The following LRRC28 variants were observed in gnomAD, a reference collection of about 807,000 sequenced individuals.
LRRC28 encodes the protein leucine rich repeat containing 28, also known as leucine-rich repeat-containing protein 28.
Under a neutral mutation model 45.7 loss-of-function variants are expected in LRRC28, and 39 were observed. That is an observed-to-expected ratio of 0.85 (90% CI 0.66 to 1.12). The LOEUF (loss-of-function observed/expected upper bound fraction) is 1.12. Ranked by LOEUF, LRRC28 falls within the 50% of genes most tolerant of loss-of-function variation. The pLI is 0.00. For missense variants in LRRC28, 435 were observed against 438.5 expected (o/e 0.99, Z 0.07); for synonymous variants, 206 against 178.8 (o/e 1.15, Z -1.22).
Position 99,275,203 on chromosome 15 carries a change from C to A in LRRC28, c.169-1373C>A, listed in dbSNP as rs559006941. 1.2e-4 allele frequency among the ~76,000 whole-genome samples: 19 copies of A among 152,328 alleles called. No individual in the cohort carries two copies. In the South Asian group the frequency reaches 3.9e-3, roughly 32 times the overall value. On this transcript the variant is annotated intron_variant, in intron 2 of 9. Coordinates refer to ENST00000301981, the MANE Select transcript of LRRC28 (RefSeq NM_144598.5). ...ATTTACAGGAGGCTTTCTCCACTAC[C>A]CAGTACCTCCAGCAGAGAGAAGCCT...
chr15:99,254,814 T>A (rs2080967470), intron 1 of LRRC28, among the ~76,000 whole-genome samples: 1 of 152,238 alleles, frequency 6.6e-6, no homozygotes, highest in Non-Finnish European at 1.5e-5. Flanking sequence ...CTTGCCCTTG[T>A]CAATTTTGGA....
intron 9 of LRRC28, among the ~76,000 whole-genome samples, chr15:99,372,673 TTAA>T (rs1334458314): frequency 6.6e-6 from 1 of 152,206 alleles, no homozygotes; most frequent in African/African-American, 2.4e-5. Flanking sequence ...TCATAAGTAG[TTAA>T]TGATGATCCA....
At position 99,363,200 on chromosome 15, in the gene LRRC28, G is replaced by A; in HGVS notation, c.966G>A (p.Met322Ile). The stretch of plus-strand genomic sequence containing the variant: ...ACTGTCATCGGTGTAGTGAGCCTAT[G>A]TTTACCATCGTCTACCCCAAGCTCT... ...LGHCHRCSEPMFTIVYPKLFP... is the reference protein window; with the variant it reads ...LGHCHRCSEPIFTIVYPKLFP... The change falls in exon 9 of 10, where the codon ATG (methionine) becomes ATA (isoleucine). Residue 322 changes from methionine (M) to isoleucine (I), a missense_variant. Coordinates refer to ENST00000301981, the MANE Select transcript of LRRC28 (RefSeq NM_144598.5). 1 of 1,614,074 alleles carries A rather than the reference G, an allele frequency of 6.2e-7. No homozygotes were observed. The highest frequency in any genetic ancestry group is 8.5e-7 in the Non-Finnish European group (1 of 1,179,932).
At chr15:99,342,533 A>G (rs1242336799) in intron 6 of LRRC28, among the ~76,000 whole-genome samples, 1 of 152,240 alleles carries the variant, frequency 6.6e-6, no homozygotes, top group Non-Finnish European at 1.5e-5. Flanking sequence ...AACACATATC[A>G]CTTACAAATA....
In LRRC28 at chr15:99,292,936, T is replaced by A. The variant is rs139196853; in HGVS notation, c.385+4985T>A. ...AGTTGTTAGGGTGAGAGTGATGATCTCTTTGGAGTTTCTATTTTCAAATTG... is the reference window on the plus strand; with the variant it reads ...AGTTGTTAGGGTGAGAGTGATGATCACTTTGGAGTTTCTATTTTCAAATTG... On this transcript the variant is annotated intron_variant, in intron 5 of 9. Coordinates refer to ENST00000301981, the MANE Select transcript of LRRC28 (RefSeq NM_144598.5). Among the ~76,000 whole-genome samples the A allele has an allele frequency of 7.0e-4, 106 of 152,300 alleles. 1 individual carries two copies. Among genetic ancestry groups the A allele is most frequent in the African/African-American group, 2.5e-3 (102 of 41,564 alleles).
chr15:99,293,754 T>A (rs1395840587), intron 5 of LRRC28, among the ~76,000 whole-genome samples: 1 of 151,998 alleles, frequency 6.6e-6, no homozygotes, highest in Non-Finnish European at 1.5e-5. Flanking sequence ...CCTAAAGCAC[T>A]GAGATTACTG....
chr15:99,268,818 T>A (rs2081398158), intron 2 of LRRC28, among the ~76,000 whole-genome samples: 1 of 152,244 alleles, frequency 6.6e-6, no homozygotes, highest in South Asian at 2.1e-4. Flanking sequence ...ATTTATAAAA[T>A]CATACTTATG....
chr15:99,255,845 G>T, intron 1 of LRRC28, 53 bp from the exon 2 acceptor site: 1 of 1,173,928 alleles, frequency 8.5e-7, no homozygotes, highest in Non-Finnish European at 1.2e-6. Flanking sequence ...GGTTTATATG[G>T]CAATTCTTGT....
chr15:99,357,091 T>C (rs1217115520), intron 7 of LRRC28, among the ~76,000 whole-genome samples: 1 of 152,184 alleles, frequency 6.6e-6, no homozygotes, highest in African/African-American at 2.4e-5. Flanking sequence ...AAAAACTTTT[T>C]TGCTAAAAAG....
intron 2 of LRRC28, among the ~76,000 whole-genome samples, chr15:99,274,175 C>G (rs1025193420): frequency 6.6e-6 from 1 of 152,102 alleles, no homozygotes; most frequent in South Asian, 2.1e-4. Flanking sequence ...AGTGAGTATT[C>G]AAAAATGCTT....
intron 2 of LRRC28, among the ~76,000 whole-genome samples, chr15:99,266,075 G>A (rs62023775): frequency 8.5e-5 from 13 of 152,298 alleles, no homozygotes; most frequent in Non-Finnish European, 1.8e-4. Flanking sequence ...GATGGATCCT[G>A]ATTAAGCAGT....
chr15:99,354,558 G>A (rs1454048335), intron 7 of LRRC28, among the ~76,000 whole-genome samples: 9 of 152,130 alleles, frequency 5.9e-5, no homozygotes, highest in Non-Finnish European at 7.3e-5. Flanking sequence ...TTCAGAACAC[G>A]AATTTTGGTC....
At chr15:99,341,099 T>C (rs1216421602) in intron 6 of LRRC28, among the ~76,000 whole-genome samples, 2 of 145,026 alleles carry the variant, frequency 1.4e-5, no homozygotes, top group African/African-American at 2.5e-5. Flanking sequence ...TTTTTTTTTT[T>C]TTTTTTTTTG....
chr15:99,388,295 A>G lies in LRRC28; in HGVS notation c.*2193A>G, dbSNP rs1322983344. 3 of 152,250 alleles carry G rather than the reference A, an allele frequency of 2.0e-5. No homozygotes were observed. Among genetic ancestry groups the G allele is most frequent in the Admixed American group, 2.0e-4 (3 of 15,290 alleles). 9.4% of individuals were successfully genotyped at this position (152,250 alleles called of 1,614,324 possible). A position where few individuals can be genotyped will look rare whatever the true frequency, so the allele number is the denominator to read the frequency against. On this transcript the variant is annotated 3_prime_UTR_variant, in exon 10 of 10. Transcript: ENST00000301981. ...TCATATGTCATGGAATGGAGCTATG[A>G]AATGTGCTAACTTGGTATTCAGGAT...
intron 9 of LRRC28, among the ~76,000 whole-genome samples, chr15:99,373,692 A>C (rs2152335283): frequency 6.6e-6 from 1 of 152,330 alleles, no homozygotes; most frequent in East Asian, 1.9e-4. Flanking sequence ...GAGGTAATGC[A>C]AAAGTATCTA....
At chr15:99,362,168 A>C (rs946263545) in intron 8 of LRRC28, among the ~76,000 whole-genome samples, 10 of 152,250 alleles carry the variant, frequency 6.6e-5, no homozygotes, top group African/African-American at 2.2e-4. Flanking sequence ...GGTGTTTTTA[A>C]AACTGTGAAA....
chr15:99,284,874 C>G, intron 3 of LRRC28: 1 of 572,990 alleles, frequency 1.7e-6, no homozygotes, highest in South Asian at 1.4e-5. Context: ...GCCACCATAT[C>G]TACCATCACC....
Position 99,361,444 on chromosome 15 carries a change from T to A in LRRC28, c.804T>A (p.Asp268Glu), listed in dbSNP as rs545247114. 6.2e-7 allele frequency: 1 copy of A among 1,614,004 alleles called. No homozygotes were observed. The highest frequency in any genetic ancestry group is 1.7e-5 in the Admixed American group (1 of 59,998). ...TGAAGGCCATAGGGACGGAGCATGATCACGTCCTCCCTCTGCAGGAATTGG... is the reference window on the plus strand; with the variant it reads ...TGAAGGCCATAGGGACGGAGCATGAACACGTCCTCCCTCTGCAGGAATTGG... ...AEVKAIGTEH[D>E]HVLPLQELAM... The change falls in exon 8 of 10, where the codon GAT (aspartate) becomes GAA (glutamate). Residue 268 changes from aspartate (D) to glutamate (E), a missense_variant. Asp to Glu is a conservative substitution (Grantham distance 45, BLOSUM62 2). Transcript: ENST00000301981.
At chr15:99,266,614 G>T (rs897623264) in intron 2 of LRRC28, among the ~76,000 whole-genome samples, 46 of 152,184 alleles carry the variant, frequency 3.0e-4, no homozygotes, top group African/African-American at 9.6e-4. Flanking sequence ...AAACTACATG[G>T]ATATGTGTTT....
Sources: allele counts gnomAD v4.1 joint callset (sites outside exome capture counted in the v4.1 genomes callset), GRCh38; gene constraint gnomAD v4.1.1; transcripts MANE v1.5; gene names NCBI Gene and HGNC (gene_info 2026-07-23, HGNC 2026-07-21).